Variants in PRDM15 observed in about 807,000 individuals in gnomAD.
The protein encoded by PRDM15 is PR domain zinc finger protein 15.
PRDM15 carries 64 observed loss-of-function variants against 128.6 expected under a neutral mutation model. The ratio of observed to expected loss-of-function variants is 0.50; its 90% confidence interval spans 0.41 to 0.61. The LOEUF (loss-of-function observed/expected upper bound fraction) is 0.61. PRDM15 is among the 20% of genes least tolerant of loss of function. The pLI is 0.00. For synonymous variants in PRDM15, 615 were observed against 621.8 expected, an observed-to-expected ratio of 0.99 and a Z score of 0.16; for missense variants, 1,242 against 1,569.1, an observed-to-expected ratio of 0.79 and a Z score of 3.52.
At chr21:41,869,978 C>T (rs1026409205) in intron 1 of PRDM15, among the ~76,000 whole-genome samples, 1 of 152,176 alleles carries the variant, frequency 6.6e-6, no homozygotes, top group Non-Finnish European at 1.5e-5. Context: ...GCACCACGCT[C>T]GGCGGAGCCC....
intron 5 of PRDM15, among the ~76,000 whole-genome samples, chr21:41,853,400 T>C (rs1172665131): frequency 4.6e-5 from 7 of 151,972 alleles, no homozygotes; most frequent in Non-Finnish European, 7.4e-5. Flanking sequence ...GGGAGGGGGG[T>C]CAGGAGAGTC....
intron 8 of PRDM15, among the ~76,000 whole-genome samples, chr21:41,837,540 G>A (rs8129143): frequency 0.12 from 18,364 of 152,002 alleles, 1,300 homozygotes; most frequent in African/African-American, 0.19. Flanking sequence ...CTGGGGGAGG[G>A]GGCTGGAGCG....
chr21:41,829,050 ACAAT>A (rs1227156970), intron 11 of PRDM15, among the ~76,000 whole-genome samples: 7 of 150,288 alleles, frequency 4.7e-5, no homozygotes, highest in East Asian at 2.0e-4. Context: ...ACCCAAATGC[ACAAT>A]CACACACACC....
intron 14 of PRDM15, chr21:41,823,069 T>G: frequency 2.1e-6 from 1 of 486,672 alleles, no homozygotes; most frequent in Non-Finnish European, 3.8e-6. Flanking sequence ...TGGGCCCTTA[T>G]AGAAGAGATC....
intron 16 of PRDM15, 139 bp downstream of exon 16, chr21:41,820,928 G>GC: frequency 9.1e-7 from 1 of 1,098,582 alleles, no homozygotes; most frequent in Admixed American, 1.8e-5. Context: ...GCCCTGCTGC[G>GC]CCCCCAGCTC....
rs182517453 is a variant in PRDM15 at position 41,872,770 on chromosome 21, G to A, written c.-10+6500C>T. On this transcript the variant is annotated intron_variant, in intron 1 of 23. Coordinates refer to ENST00000398548, the MANE Select transcript of PRDM15 (RefSeq NM_001040424.3). Reference sequence around the variant, plus strand: ...GTGAGGGCCAAAGAGAGCACAAAACGCACACTCCTGGGCACGCAGAACCAC... The same window carrying A: ...GTGAGGGCCAAAGAGAGCACAAAACACACACTCCTGGGCACGCAGAACCAC... Among the ~76,000 whole-genome samples the A allele has an allele frequency of 2.6e-5, 4 of 152,292 alleles. No individual in the cohort carries two copies. The East Asian group carries it at 7.7e-4, about 29-fold the overall frequency.
At chr21:41,835,873 TCC>T (rs71999286) in intron 10 of PRDM15, among the ~76,000 whole-genome samples, 403 of 59,304 alleles carry the variant, frequency 6.8e-3, no homozygotes, top group South Asian at 0.012. Flanking sequence ...CCTGGGACTC[TCC>T]CTTCTCAGGG....
chr21:41,805,853 C>A (rs1420546981), intron 21 of PRDM15, among the ~76,000 whole-genome samples: 1 of 151,202 alleles, frequency 6.6e-6, no homozygotes, highest in Non-Finnish European at 1.5e-5. Flanking sequence ...CAACCACCTC[C>A]ATCACCATTA....
At chr21:41,874,526 T>TATATATATA (rs370122401) in intron 1 of PRDM15, among the ~76,000 whole-genome samples, 16 of 41,228 alleles carry the variant, frequency 3.9e-4, no homozygotes, top group African/African-American at 1.6e-3. Flanking sequence ...TATATATATA[T>TATATATATA]TTTTTTTTTT....
At chr21:41,830,351 TACAC>T (rs1405963057) in intron 11 of PRDM15, among the ~76,000 whole-genome samples, 3 of 145,162 alleles carry the variant, frequency 2.1e-5, no homozygotes, top group Non-Finnish European at 3.0e-5. Context: ...CACACACAAA[TACAC>T]ACACAACATA....
chr21:41,830,988 G>C (rs932552978), intron 11 of PRDM15, among the ~76,000 whole-genome samples: 1 of 152,070 alleles, frequency 6.6e-6, no homozygotes, highest in African/African-American at 2.4e-5. Flanking sequence ...AGTTGACGGC[G>C]ACCCCGGGGC....
At position 41,811,047 on chromosome 21, in the gene PRDM15, T is replaced by G. The variant is rs898560562; in HGVS notation, c.2393-211A>C. On this transcript the variant is annotated intron_variant, in intron 19 of 23. Transcript: ENST00000398548. This position sits in a 1 kb window ranked among gnomAD's most constrained non-coding sequence, Gnocchi z 4.1. ...TATGCTTCCATAGTGACATTTCATA[T>G]CAAAAAAACATGAGATGTGGGAAAG... 2 of 534,060 alleles carry G rather than the reference T, an allele frequency of 3.7e-6. No homozygotes were observed. Among genetic ancestry groups the G allele is most frequent in the African/African-American group, 3.8e-5 (2 of 52,810 alleles). 33.1% of individuals were successfully genotyped at this position (534,060 alleles called of 1,614,324 possible). A position where few individuals can be genotyped will look rare whatever the true frequency, so the allele number is the denominator to read the frequency against.
intron 1 of PRDM15, among the ~76,000 whole-genome samples, chr21:41,868,185 A>G (rs1230058277): frequency 6.6e-6 from 1 of 152,246 alleles, no homozygotes; most frequent in Non-Finnish European, 1.5e-5. Flanking sequence ...TTGCTGAATA[A>G]TATTCCATGA....
At chr21:41,842,039 A>G (rs1203841114) in intron 6 of PRDM15, among the ~76,000 whole-genome samples, 1 of 152,228 alleles carries the variant, frequency 6.6e-6, no homozygotes, top group African/African-American at 2.4e-5. Flanking sequence ...TAAGCATCCA[A>G]CTTGTTAGAA....
intron 22 of PRDM15, 159 bp from the exon 23 acceptor site, chr21:41,803,080 G>A (rs2061460360): frequency 2.3e-5 from 15 of 649,878 alleles, no homozygotes; most frequent in Admixed American, 5.2e-5. Flanking sequence ...GCTGGGTCTT[G>A]TATTTCTAAG....
rs201285981 is a variant in PRDM15, at chr21:41,839,802, T to C, written c.692A>G (p.Gln231Arg). Residue 231 changes from glutamine (Q) to arginine (R), a missense_variant, in exon 7 of 24, where the codon CAA becomes CGA. Transcript: ENST00000398548. ...EQAKSLPPGS[Q>R]SEAAAPEKEQ... Reference sequence around the variant, plus strand: ...CTTCTCGGGAGCTGCTGCCTCGCTTTGGCTGCCTGGAGGAAGGCTTTTGGC... The same window carrying C: ...CTTCTCGGGAGCTGCTGCCTCGCTTCGGCTGCCTGGAGGAAGGCTTTTGGC... 3.9e-4 allele frequency: 633 copies of C among 1,614,148 alleles called. No homozygotes were observed. The highest frequency in any genetic ancestry group is 5.1e-4 in the Non-Finnish European group (603 of 1,180,056).
chr21:41,802,636 A>T, intron 23 of PRDM15, 76 bp downstream of exon 23: 1 of 1,160,778 alleles, frequency 8.6e-7, no homozygotes, highest in Non-Finnish European at 1.3e-6. Flanking sequence ...AAAGAGATGG[A>T]GTCACACACA....
intron 11 of PRDM15, among the ~76,000 whole-genome samples, chr21:41,834,731 G>C (rs62214695): frequency 6.6e-6 from 1 of 152,182 alleles, no homozygotes; most frequent in Non-Finnish European, 1.5e-5. Flanking sequence ...GGGCGTCCTC[G>C]GGCCACGTGG....
At position 41,847,840 on chromosome 21, in the gene PRDM15, G is replaced by T. The variant is rs954879932; in HGVS notation, c.539-649C>A. ...TCCCAGGAAGCACCTCTATCCCTCA[G>T]TCCATGCCACACAGGAATCTGGGGA... On this transcript the variant is annotated intron_variant, in intron 5 of 23. Transcript: ENST00000398548. Among the ~76,000 whole-genome samples, 42 of 152,224 alleles carry T rather than the reference G, an allele frequency of 2.8e-4. 1 individual carries two copies. The highest frequency in any genetic ancestry group is 4.4e-5 in the Non-Finnish European group (3 of 68,038).
Sources: gnomAD v4.1 joint callset for allele counts (sites outside exome capture counted in the v4.1 genomes callset) on GRCh38, gnomAD v4.1.1 for gene constraint, Gnocchi (gnomAD v3.1) non-coding constraint, MANE v1.5 for transcripts, NCBI Gene and HGNC (gene_info 2026-07-23, HGNC 2026-07-21) for gene names.